The following CDH13 variants were observed in gnomAD, a reference collection of about 807,000 sequenced individuals.
CDH13 encodes cadherin-13.
CDH13 carries 24 observed loss-of-function variants against 63.8 expected under a neutral mutation model. The observed-to-expected ratio is 0.38, with a 90% CI of 0.27 to 0.53. The LOEUF is 0.53. CDH13 is among the 20% of genes least tolerant of loss of function. The pLI, the probability that CDH13 is intolerant of heterozygous loss-of-function variation, is 0.85. For synonymous variants in CDH13, 503 were observed against 355.3 expected (o/e 1.42, Z -4.67); for missense variants, 1,049 against 903.1 (o/e 1.16, Z -2.07).
chr16:83,153,031 C>T (rs558226515), intron 4 of CDH13, among the ~76,000 whole-genome samples: 43 of 152,310 alleles, frequency 2.8e-4, no homozygotes, highest in African/African-American at 1.0e-3. Context: ...ACCTTACCTG[C>T]TGCCTACCCA....
At chr16:83,507,268 G>A (rs7188802) in intron 7 of CDH13, among the ~76,000 whole-genome samples, 152,247 of 152,350 alleles carry the variant, frequency 1, 76,072 homozygotes, top group Non-Finnish European at 1. Flanking sequence ...CTCCTCTGTC[G>A]ATTCTAGGCT....
chr16:83,230,290 A>G (rs2039966388), intron 5 of CDH13, among the ~76,000 whole-genome samples: 1 of 152,136 alleles, frequency 6.6e-6, no homozygotes, highest in Non-Finnish European at 1.5e-5. Flanking sequence ...TTCTGCTCCC[A>G]AATAAAAAGG....
At chr16:83,050,006 T>G (rs1380667754) in intron 3 of CDH13, among the ~76,000 whole-genome samples, 1 of 151,466 alleles carries the variant, frequency 6.6e-6, no homozygotes, top group Non-Finnish European at 1.5e-5. Context: ...TACAAAAACG[T>G]TGTATACTTG....
At chr16:82,849,433 A>G (rs918891882) in intron 1 of CDH13, among the ~76,000 whole-genome samples, 1 of 152,100 alleles carries the variant, frequency 6.6e-6, no homozygotes, top group Non-Finnish European at 1.5e-5. Context: ...ACCAGGGAGT[A>G]GGAGGTTTCA....
chr16:83,437,912 A>C (rs1445348450), intron 6 of CDH13, among the ~76,000 whole-genome samples: 3 of 151,928 alleles, frequency 2.0e-5, no homozygotes, highest in East Asian at 3.9e-4. Flanking sequence ...TTATCGCCCA[A>C]CTCTCTTCCT....
chr16:83,386,788 A>G (rs930389216), intron 6 of CDH13, among the ~76,000 whole-genome samples: 1 of 152,090 alleles, frequency 6.6e-6, no homozygotes, highest in African/African-American at 2.4e-5. Context: ...ATTCAACATC[A>G]TGATGATGTC....
chr16:83,242,541 G>A (rs534577451), intron 5 of CDH13, among the ~76,000 whole-genome samples: 9 of 152,266 alleles, frequency 5.9e-5, no homozygotes, highest in Non-Finnish European at 1.3e-4. Flanking sequence ...AATGGGCTGG[G>A]CTTATAGGGT....
chr16:83,492,248 A>T (rs1201107523), intron 7 of CDH13, among the ~76,000 whole-genome samples: 1 of 152,362 alleles, frequency 6.6e-6, no homozygotes, highest in South Asian at 2.1e-4. Flanking sequence ...TCAATGAAAG[A>T]TAGAGGTAGT....
At chr16:82,862,627 A>G (rs1194881886) in intron 2 of CDH13, among the ~76,000 whole-genome samples, 8 of 152,202 alleles carry the variant, frequency 5.3e-5, no homozygotes, top group African/African-American at 1.9e-4. Flanking sequence ...GCAAACATAG[A>G]CACATAGGTA....
intron 7 of CDH13, among the ~76,000 whole-genome samples, chr16:83,489,077 C>G (rs370391429): frequency 7.9e-5 from 12 of 152,210 alleles, no homozygotes; most frequent in Non-Finnish European, 1.2e-4. Flanking sequence ...AAGCTTCTCA[C>G]AAGATCCTTT....
chr16:82,697,636 A>G (rs1420365604), intron 1 of CDH13, among the ~76,000 whole-genome samples: 1 of 151,322 alleles, frequency 6.6e-6, no homozygotes, highest in Non-Finnish European at 1.5e-5. Flanking sequence ...CACCATGTAG[A>G]CCAGGCTGGT....
At chr16:83,142,264 C>T (rs1010087670) in intron 4 of CDH13, among the ~76,000 whole-genome samples, 2 of 151,648 alleles carry the variant, frequency 1.3e-5, no homozygotes, top group Non-Finnish European at 1.5e-5. Context: ...GGGTTCCAGC[C>T]ATTCTCCTGT....
chr16:83,220,723 C>A (rs1414763142), intron 5 of CDH13, among the ~76,000 whole-genome samples: 1 of 149,400 alleles, frequency 6.7e-6, no homozygotes, highest in South Asian at 2.1e-4. Context: ...ATCATAATAG[C>A]GCCAATGTTT....
intron 6 of CDH13, among the ~76,000 whole-genome samples, chr16:83,467,657 A>T (rs114867578): frequency 6.6e-6 from 1 of 151,928 alleles, no homozygotes; most frequent in African/African-American, 2.4e-5. Context: ...TCATATTTGG[A>T]CCCAATGCTG....
chr16:83,488,599 C>A (rs1159258233), intron 7 of CDH13, among the ~76,000 whole-genome samples: 2 of 151,856 alleles, frequency 1.3e-5, no homozygotes, highest in East Asian at 3.9e-4. Flanking sequence ...TCTTTCCAAC[C>A]CTCCCTATTT....
chr16:83,142,186 G>T (rs1446268271), intron 4 of CDH13, among the ~76,000 whole-genome samples: 1 of 137,986 alleles, frequency 7.2e-6, no homozygotes, highest in South Asian at 2.4e-4. Flanking sequence ...TTTTGAAATG[G>T]AGTCTCATCC....
At chr16:82,737,620 A>G (rs1288831890) in intron 1 of CDH13, among the ~76,000 whole-genome samples, 1 of 152,210 alleles carries the variant, frequency 6.6e-6, no homozygotes, top group Non-Finnish European at 1.5e-5. Flanking sequence ...ATTTGAGGGT[A>G]GCTTTTCAAT....
intron 7 of CDH13, among the ~76,000 whole-genome samples, chr16:83,600,436 A>G (rs1907678985): frequency 6.6e-6 from 1 of 152,226 alleles, no homozygotes. Flanking sequence ...AGTTAAAGGA[A>G]CAGCAATGAA....
At chr16:83,208,281 C>A (rs1175693647) in intron 4 of CDH13, among the ~76,000 whole-genome samples, 1 of 152,148 alleles carries the variant, frequency 6.6e-6, no homozygotes, top group African/African-American at 2.4e-5. Flanking sequence ...GGTTGAGCAG[C>A]ATAAGGGTGA....
Sources: gnomAD v4.1 joint callset for allele counts (sites outside exome capture counted in the v4.1 genomes callset) on GRCh38, gnomAD v4.1.1 for gene constraint, MANE v1.5 for transcripts, NCBI Gene and HGNC (gene_info 2026-07-23, HGNC 2026-07-21) for gene names.